ATP8B1: variants seen among roughly 807,000 people sequenced by gnomAD.
ATP8B1 encodes the protein phospholipid-transporting ATPase IC.
In ATP8B1, 80 loss-of-function variants were observed where a neutral mutation model predicts 149.9. That is an observed-to-expected ratio of 0.53 (90% CI 0.45 to 0.64). The LOEUF (loss-of-function observed/expected upper bound fraction) is 0.64, where lower values mean the gene tolerates loss of function less well. ATP8B1 is among the 30% of genes least tolerant of loss of function. The pLI is 0.00. For missense variants in ATP8B1, 1,247 were observed against 1,552.6 expected (o/e 0.80, Z 3.31); for synonymous variants, 536 against 562.8 (o/e 0.95, Z 0.67).
At chr18:57,684,802 C>T (rs1191071172) in intron 14 of ATP8B1, among the ~76,000 whole-genome samples, 4 of 152,094 alleles carry the variant, frequency 2.6e-5, no homozygotes, top group Non-Finnish European at 4.4e-5. Context: ...TAGGGTAGGT[C>T]CTAATCCAAT....
At chr18:57,801,650 G>T (rs911190789) in intron 1 of ATP8B1, among the ~76,000 whole-genome samples, 1 of 152,072 alleles carries the variant, frequency 6.6e-6, no homozygotes, top group Admixed American at 6.5e-5. Context: ...TTTAGCTTTT[G>T]TTCCTGAAAG....
At chr18:57,720,469 T>C (rs1367791382) in intron 2 of ATP8B1, among the ~76,000 whole-genome samples, 1 of 89,716 alleles carries the variant, frequency 1.1e-5, no homozygotes, top group Non-Finnish European at 2.2e-5. Context: ...CAGGAGCCGA[T>C]GCGATCAACT....
chr18:57,796,927 A>G (rs1425029519), intron 1 of ATP8B1, among the ~76,000 whole-genome samples: 1 of 152,200 alleles, frequency 6.6e-6, no homozygotes, highest in Non-Finnish European at 1.5e-5. Context: ...CTGGGATTAC[A>G]GGTGTTAGCT....
intron 4 of ATP8B1, among the ~76,000 whole-genome samples, chr18:57,702,598 T>G (rs192739239): frequency 2.0e-5 from 3 of 152,292 alleles, no homozygotes; most frequent in Admixed American, 2.0e-4. Context: ...TAGCTCATGC[T>G]TGTAATCCCA....
At chr18:57,713,221 T>TTCCG in intron 2 of ATP8B1, among the ~76,000 whole-genome samples, 1 of 133,028 alleles carries the variant, frequency 7.5e-6, no homozygotes, top group African/African-American at 2.9e-5. Context: ...CCTTCCTTCC[T>TTCCG]TCCTTCCTTC....
intron 1 of ATP8B1, among the ~76,000 whole-genome samples, chr18:57,758,233 G>A (rs929905172): frequency 4.6e-5 from 7 of 152,112 alleles, no homozygotes; most frequent in African/African-American, 1.7e-4. Context: ...TATGCAAAAG[G>A]GTGTCTTAGA....
intron 4 of ATP8B1, among the ~76,000 whole-genome samples, chr18:57,701,680 C>G (rs1053931023): frequency 1.3e-5 from 2 of 151,634 alleles, no homozygotes; most frequent in Non-Finnish European, 2.9e-5. Flanking sequence ...AGGGAGAAGT[C>G]TCGTCTTAAC....
intron 20 of ATP8B1, among the ~76,000 whole-genome samples, chr18:57,664,888 A>G (rs1041191539): frequency 1.3e-5 from 2 of 152,200 alleles, no homozygotes; most frequent in East Asian, 3.8e-4. Flanking sequence ...TTACTATTAC[A>G]TACAAAAAGC....
chr18:57,785,267 T>C (rs779893286), intron 1 of ATP8B1, among the ~76,000 whole-genome samples: 2 of 152,230 alleles, frequency 1.3e-5, no homozygotes, highest in Non-Finnish European at 2.9e-5. Flanking sequence ...AGCTGGATTT[T>C]CCCCTGTATG....
chr18:57,738,398 T>C (rs956524235), intron 1 of ATP8B1, among the ~76,000 whole-genome samples: 3 of 151,806 alleles, frequency 2.0e-5, no homozygotes, highest in Non-Finnish European at 4.4e-5. Context: ...CCGAGGCGGG[T>C]GGATCAACTG....
At chr18:57,681,240 T>A (rs1385046596) in intron 15 of ATP8B1, among the ~76,000 whole-genome samples, 2 of 147,930 alleles carry the variant, frequency 1.4e-5, no homozygotes, top group South Asian at 4.4e-4. Flanking sequence ...TCTCTAGGAG[T>A]GGAGGGCAAC....
In ATP8B1 at chr18:57,731,765, A is replaced by G; in HGVS notation, c.43T>C (p.Ser15Pro). The G allele has an allele frequency of 6.2e-7, 1 of 1,614,102 alleles. No individual in the cohort carries two copies. Among genetic ancestry groups the G allele is most frequent in the Non-Finnish European group, 8.5e-7 (1 of 1,180,020 alleles). ...GGAACCACTTCGTCATTAGGCTGAG[A>G]ATCCTCGTCAAATGTCGTTTCTGAG... Reference protein sequence around the residue: ...RDSETTFDEDSQPNDEVVPYS... With the variant: ...RDSETTFDEDPQPNDEVVPYS... The change falls in exon 2 of 28, where the codon TCT becomes CCT. Residue 15 changes from serine to proline, a missense_variant. This residue lies in a region of ATP8B1 where 853 missense variants were observed against 1,035.7 expected (regional missense o/e 0.82). Transcript: ENST00000648908.
intron 2 of ATP8B1, among the ~76,000 whole-genome samples, chr18:57,726,319 G>A (rs186579369): frequency 6.6e-6 from 1 of 152,294 alleles, no homozygotes; most frequent in Admixed American, 6.5e-5. Context: ...TACTTCACAA[G>A]CACAGGCAAC....
intron 23 of ATP8B1, among the ~76,000 whole-genome samples, chr18:57,654,821 G>A (rs999595870): frequency 1.3e-5 from 2 of 151,538 alleles, no homozygotes; most frequent in Non-Finnish European, 2.9e-5. Flanking sequence ...CGAGTAGCTG[G>A]GATTACAGGT....
chr18:57,754,672 C>A (rs1027562055), intron 1 of ATP8B1, among the ~76,000 whole-genome samples: 1 of 152,076 alleles, frequency 6.6e-6, no homozygotes, highest in African/African-American at 2.4e-5. Context: ...AACACATCAC[C>A]AAATTGACAC....
At chr18:57,799,010 A>C (rs1347996997) in intron 1 of ATP8B1, among the ~76,000 whole-genome samples, 1 of 152,256 alleles carries the variant, frequency 6.6e-6, no homozygotes, top group Non-Finnish European at 1.5e-5. Context: ...AAGTCATAGC[A>C]ACAACACAAC....
rs778749552 is a variant in ATP8B1 at position 57,648,549 on chromosome 18, G to C, written c.3695C>G (p.Ser1232Trp). 1.4e-5 allele frequency: 23 copies of C among 1,611,460 alleles called. No individual in the cohort carries two copies. In the East Asian group the frequency reaches 5.1e-4, roughly 36 times the overall value. ...SSGRSIRKKR[S>W]PLDAIVADGT... ...ATCCGCCACGATGGCATCAAGCGGC[G>C]AGCGCTTCTTGCGGATGCTGCGCCC... Residue 1232 changes from serine (S) to tryptophan (W), a missense_variant, in exon 28 of 28, where the codon TCG becomes TGG. This residue lies in a region of ATP8B1 where 164 missense variants were observed against 160.3 expected (regional missense o/e 1.02). Coordinates refer to ENST00000648908, the MANE Select transcript of ATP8B1 (RefSeq NM_001374385.1).
At chr18:57,688,641 C>T (rs959884016) in intron 12 of ATP8B1, 134 bp from the exon 13 acceptor site, 1 of 923,974 alleles carries the variant, frequency 1.1e-6, no homozygotes, top group Non-Finnish European at 1.7e-6. Flanking sequence ...AATCCCCCTC[C>T]AAATTCATAT....
chr18:57,741,177 C>A (rs2123209063), intron 1 of ATP8B1, among the ~76,000 whole-genome samples: 1 of 152,246 alleles, frequency 6.6e-6, no homozygotes, highest in South Asian at 2.1e-4. Flanking sequence ...ATCTTGGGAT[C>A]CACCCACCTT....
Sources: allele counts gnomAD v4.1 joint callset (sites outside exome capture counted in the v4.1 genomes callset), GRCh38; gene constraint gnomAD v4.1.1; regional missense constraint gnomAD v4.1.1; transcripts MANE v1.5; gene names NCBI Gene and HGNC (gene_info 2026-07-23, HGNC 2026-07-21).